Variants in HMGXB3 observed in about 807,000 individuals in gnomAD.
HMGXB3 encodes the protein HMG domain-containing protein 3.
Under a neutral mutation model 121.5 loss-of-function variants are expected in HMGXB3, and 45 were observed. The observed-to-expected ratio is 0.37, with a 90% confidence interval of 0.29 to 0.47. HMGXB3 has a LOEUF of 0.47. Among genes scored for constraint, HMGXB3 ranks in the 20% least tolerant of loss-of-function variants. The pLI is 0.99. For synonymous variants in HMGXB3, 590 were observed against 624.1 expected, an observed-to-expected ratio of 0.95 and a Z score of 0.81; for missense variants, 1,376 against 1,602.2, an observed-to-expected ratio of 0.86 and a Z score of 2.41.
At chr5:150,043,413 T>C (rs1340738285) in intron 15 of HMGXB3, among the ~76,000 whole-genome samples, 1 of 152,242 alleles carries the variant, frequency 6.6e-6, no homozygotes, top group Non-Finnish European at 1.5e-5. Context: ...GGACATGAGC[T>C]GACTTTCAGG....
chr5:150,041,785 A>C lies in HMGXB3; in HGVS notation c.2546A>C (p.Glu849Ala). 1 of 1,550,832 alleles carries C rather than the reference A, an allele frequency of 6.4e-7. No individual in the cohort carries two copies. The highest frequency in any genetic ancestry group is 8.7e-7 in the Non-Finnish European group (1 of 1,146,518). The change falls in exon 15 of 20, where the codon GAG becomes GCG. Residue 849 changes from glutamate to alanine, a missense_variant and splice_region_variant. Physicochemically the swap from Glu to Ala is moderately radical, Grantham distance 107. Coordinates refer to ENST00000502717, the MANE Select transcript of HMGXB3 (RefSeq NM_014983.3). ...CTCAGTGTTCTTGCTCTTCTTTCAG[A>C]GAAGACTCTGACCTCGGAGGAGCTG... ...VVLKSVQEQTEKTLTSEELSQ... is the reference protein window; with the variant it reads ...VVLKSVQEQTAKTLTSEELSQ...
chr5:150,015,925 G>C (rs1755950152), intron 5 of HMGXB3, among the ~76,000 whole-genome samples: 1 of 152,194 alleles, frequency 6.6e-6, no homozygotes, highest in Non-Finnish European at 1.5e-5. Context: ...ATGTACACTT[G>C]AAGAGAATGC....
chr5:150,026,211 C>A (rs1401988382), intron 7 of HMGXB3, among the ~76,000 whole-genome samples: 1 of 152,184 alleles, frequency 6.6e-6, no homozygotes, highest in Non-Finnish European at 1.5e-5. Flanking sequence ...AAGCTGTGCA[C>A]TTTAGACCTT....
At chr5:150,026,487 G>C (rs939206747) in intron 7 of HMGXB3, among the ~76,000 whole-genome samples, 2 of 152,206 alleles carry the variant, frequency 1.3e-5, no homozygotes, top group African/African-American at 2.4e-5. Flanking sequence ...GGTAATTACT[G>C]TTCCATTTTA....
In HMGXB3 at chr5:150,010,302, C is replaced by T; in HGVS notation, c.504C>T (p.Ala168=). 4 of 1,551,782 alleles carry T rather than the reference C, an allele frequency of 2.6e-6. No individual in the cohort carries two copies. The highest frequency in any genetic ancestry group is 3.5e-6 in the Non-Finnish European group (4 of 1,147,014). Residue 168 remains alanine, a synonymous_variant, in exon 4 of 20, where the codon GCC becomes GCT. Transcript: ENST00000502717. ...GACCTCCTCTTGTGTCCAACACTGC[C>T]CCGGAGACAGTGCCCAGCCATGCAG... ...PKGPPLVSNT[A]PETVPSHAGM... is the part of the protein sequence containing the mutation.
chr5:150,036,935 A>G lies in HMGXB3; in HGVS notation c.2283A>G (p.Gln761=). 2 of 1,549,544 alleles carry G rather than the reference A, an allele frequency of 1.3e-6. No individual in the cohort carries two copies. Among genetic ancestry groups the G allele is most frequent in the South Asian group, 2.4e-5 (2 of 83,532 alleles). ...GCAGCCCATTATTCAAAGGGGGACA[A>G]AAGTAAGCACCCCTTAACTCTGCCC... The part of the protein sequence containing the change: ...LCSSPLFKGG[Q]NSLAGPQECW... Residue 761 remains glutamine (Q), a splice_region_variant and synonymous_variant, in exon 12 of 20, where the codon CAA becomes CAG. Transcript: ENST00000502717.
At position 150,024,243 on chromosome 5, in the gene HMGXB3, GGTATTCTTATTTTTCTA is replaced by G. The variant is rs1561864902; in HGVS notation, c.1042-17_1042-1del. The G allele has an allele frequency of 4.0e-6, 6 of 1,503,134 alleles. 1 individual carries two copies. 93.1% of individuals were successfully genotyped at this position (1,503,134 alleles called of 1,614,324 possible). A position where few individuals can be genotyped will look rare whatever the true frequency, so the allele number is the denominator to read the frequency against. On this transcript the variant is annotated splice_acceptor_variant and splice_polypyrimidine_tract_variant and intron_variant, in intron 6 of 19. Transcript: ENST00000502717. LOFTEE classifies it high-confidence loss of function. ...ACTGTAAAATCCCTTATGTATACAA[GGTATTCTTATTTTTCTA>G]GGAAAAGCCAGCCAAAGTAAAAGTG...
rs1057232255 is a variant in HMGXB3 at position 150,010,109 on chromosome 5, A to G, written c.313-2A>G. ...CCCCCTTCCTGGCTTCCTCATCCTC[A>G]GAACTCTAAGCTCTCTGCACTGACT... On this transcript the variant is annotated splice_acceptor_variant, in intron 3 of 19. Coordinates refer to ENST00000502717, the MANE Select transcript of HMGXB3 (RefSeq NM_014983.3). LOFTEE classifies it high-confidence loss of function. 6.5e-7 allele frequency: 1 copy of G among 1,548,320 alleles called. No homozygotes were observed. Among genetic ancestry groups the G allele is most frequent in the Non-Finnish European group, 8.7e-7 (1 of 1,144,854 alleles).
intron 6 of HMGXB3, among the ~76,000 whole-genome samples, chr5:150,023,620 A>G (rs1413489686): frequency 1.3e-5 from 2 of 152,264 alleles, no homozygotes; most frequent in African/African-American, 4.8e-5. Context: ...TTTTAAAGCC[A>G]GGTCTAGCTG....
chr5:150,052,244 T>C lies in HMGXB3; in HGVS notation c.*52T>C, dbSNP rs1756934558. 7.1e-7 allele frequency: 1 copy of C among 1,398,790 alleles called. No individual in the cohort carries two copies. The highest frequency in any genetic ancestry group is 1.4e-5 in the African/African-American group (1 of 70,398). The allele number at this position is 1,398,790 out of a possible 1,614,324, so 86.6% of individuals were successfully genotyped here. On this transcript the variant is annotated 3_prime_UTR_variant, in exon 20 of 20. Transcript: ENST00000502717. The stretch of plus-strand genomic sequence containing the variant: ...CATCTCTCAAGCCATAGTAAGGCCC[T>C]TGCCTGAGGCAGAGCTATCCAGGGG...
intron 10 of HMGXB3, 66 bp downstream of exon 10, chr5:150,030,905 A>T: frequency 8.5e-7 from 1 of 1,176,474 alleles, no homozygotes; most frequent in Non-Finnish European, 1.2e-6. Context: ...GTTGAAGGTC[A>T]GTAGGAGGCT....
chr5:150,032,734 G>A, intron 11 of HMGXB3, 131 bp downstream of exon 11: 4 of 1,122,998 alleles, frequency 3.6e-6, no homozygotes, highest in African/African-American at 1.6e-5. Context: ...CCAGTTGGTG[G>A]GTTCTGAACC....
chr5:150,042,745 C>G (rs1756667707), intron 15 of HMGXB3, among the ~76,000 whole-genome samples: 1 of 152,128 alleles, frequency 6.6e-6, no homozygotes, highest in Non-Finnish European at 1.5e-5. Flanking sequence ...AAAGAGTGAC[C>G]TGAGCTAACT....
chr5:150,014,272 G>A (rs961339830), intron 5 of HMGXB3, among the ~76,000 whole-genome samples: 1 of 152,156 alleles, frequency 6.6e-6, no homozygotes, highest in East Asian at 1.9e-4. Flanking sequence ...TAGTACTTGG[G>A]TAAGCTCCAC....
At position 150,026,722 on chromosome 5, in the gene HMGXB3, C is replaced by A; in HGVS notation, c.1477C>A (p.Pro493Thr). 1 of 1,550,878 alleles carries A rather than the reference C, an allele frequency of 6.4e-7. No homozygotes were observed. Residue 493 changes from proline to threonine, a missense_variant, in exon 8 of 20, where the codon CCT (proline) becomes ACT (threonine). Physicochemically the swap from Pro to Thr is conservative, Grantham distance 38. Transcript: ENST00000502717. ...TCTTTTCAGAGCTGACCTGCTTACC[C>A]CTGGGTCCAGAGCTCCAGAGCTTAA... Reference protein sequence around the residue: ...KKPTGADLLTPGSRAPELKGR... With the variant: ...KKPTGADLLTTGSRAPELKGR...
At chr5:150,016,173 C>T (rs1755955317) in intron 5 of HMGXB3, among the ~76,000 whole-genome samples, 2 of 151,916 alleles carry the variant, frequency 1.3e-5, no homozygotes, top group South Asian at 2.1e-4. Context: ...AGGGAGACCC[C>T]GTCTCTACAA....
chr5:150,043,517 T>C (rs1476368410), intron 15 of HMGXB3, among the ~76,000 whole-genome samples: 2 of 152,184 alleles, frequency 1.3e-5, no homozygotes, highest in South Asian at 2.1e-4. Context: ...ACTAGACATA[T>C]TAAGGGTTGA....
Position 150,010,343 on chromosome 5 carries a change from G to A in HMGXB3, c.545G>A (p.Cys182Tyr), listed in dbSNP as rs144995463. Reference sequence around the variant, plus strand: ...AGCCATGCAGGCATGGCAGAGCAGTGCCTGGCTGTGGAGGCCCTGGCTGAG... The same window carrying A: ...AGCCATGCAGGCATGGCAGAGCAGTACCTGGCTGTGGAGGCCCTGGCTGAG... ...VPSHAGMAEQ[C>Y]LAVEALAEEV... Residue 182 changes from cysteine to tyrosine, a missense_variant, in exon 4 of 20, where the codon TGC (cysteine) becomes TAC (tyrosine). Cys to Tyr is a radical substitution (Grantham distance 194). Transcript: ENST00000502717. The A allele has an allele frequency of 1.3e-6, 2 of 1,551,724 alleles. No individual in the cohort carries two copies. The highest frequency in any genetic ancestry group is 1.7e-6 in the Non-Finnish European group (2 of 1,147,004).
chr5:150,040,976 G>A, intron 14 of HMGXB3, 97 bp downstream of exon 14: 1 of 1,182,440 alleles, frequency 8.5e-7, no homozygotes, highest in South Asian at 1.7e-5. Flanking sequence ...TTGAAGAAGA[G>A]TCTGATTATT....
Sources: gnomAD v4.1 joint callset for allele counts (sites outside exome capture counted in the v4.1 genomes callset) on GRCh38, gnomAD v4.1.1 for gene constraint, MANE v1.5 for transcripts, NCBI Gene and HGNC (gene_info 2026-07-23, HGNC 2026-07-21) for gene names.